The following DNAH17 variants were observed in gnomAD, a reference collection of about 807,000 sequenced individuals.
The protein encoded by DNAH17 is axonemal beta dynein heavy chain 17.
In DNAH17, 376 loss-of-function variants were observed where a neutral mutation model predicts 485.6. That is an observed-to-expected ratio of 0.77 (90% CI 0.71 to 0.84). DNAH17 has a LOEUF of 0.84. Among genes scored for constraint, DNAH17 ranks in the 40% least tolerant of loss-of-function variants. The pLI is 0.00. For missense variants in DNAH17, 6,370 were observed against 5,839.3 expected (o/e 1.09, Z -2.96); for synonymous variants, 3,031 against 2,405.9 (o/e 1.26, Z -7.60).
chr17:78,485,823 C>T, intron 46 of DNAH17, 66 bp from the exon 47 acceptor site: 2 of 1,585,172 alleles, frequency 1.3e-6, no homozygotes, highest in Non-Finnish European at 1.7e-6. Context: ...CGTGGGTGTG[C>T]AGGCCATGTT....
chr17:78,530,263 G>A lies in DNAH17; in HGVS notation c.3284+80C>T, dbSNP rs1361085151. On this transcript the variant is annotated intron_variant, in intron 21 of 80. Transcript: ENST00000389840. ...ACCCCAGAGGAGGCACCTGACAAAT[G>A]CCACCCACTCAAGTGGAAGGCCACT... 31 of 1,450,680 alleles carry A rather than the reference G, an allele frequency of 2.1e-5. No homozygotes were observed. In the Admixed American group the frequency reaches 2.4e-4, roughly 11 times the overall value. The allele number at this position is 1,450,680 out of a possible 1,614,324, so 89.9% of individuals were successfully genotyped here. A position where few individuals can be genotyped will look rare whatever the true frequency, so the allele number is the denominator to read the frequency against.
chr17:78,496,173 G>A, intron 37 of DNAH17, 141 bp from the exon 38 acceptor site: 1 of 988,786 alleles, frequency 1.0e-6, no homozygotes, highest in Non-Finnish European at 1.4e-6. Flanking sequence ...TTTAAATTAA[G>A]CCTTTTATTT....
At chr17:78,425,664 A>T in intron 79 of DNAH17, 93 bp from the exon 80 acceptor site, 1 of 1,158,318 alleles carries the variant, frequency 8.6e-7, no homozygotes, top group Non-Finnish European at 1.2e-6. Flanking sequence ...TCACGCCAGA[A>T]CCTTCCACGG....
intron 68 of DNAH17, 155 bp downstream of exon 68, chr17:78,450,099 C>T: frequency 1.1e-6 from 1 of 894,784 alleles, no homozygotes; most frequent in Non-Finnish European, 1.7e-6. Context: ...CCCCTGGCTC[C>T]CCCTCTTCCA....
At chr17:78,532,856 T>C in intron 19 of DNAH17, 120 bp from the exon 20 acceptor site, 1 of 1,185,076 alleles carries the variant, frequency 8.4e-7, no homozygotes, top group Non-Finnish European at 1.2e-6. Flanking sequence ...CAATCTCTCA[T>C]GATGACCTGC....
At chr17:78,491,704 G>T in intron 42 of DNAH17, 134 bp from the exon 43 acceptor site, 1 of 1,376,782 alleles carries the variant, frequency 7.3e-7, no homozygotes, top group South Asian at 1.5e-5. Context: ...AGGCCCTCGG[G>T]CATGAGGTGC....
intron 47 of DNAH17, 107 bp from the exon 48 acceptor site, chr17:78,485,140 G>A (rs1413654650): frequency 5.0e-6 from 7 of 1,396,998 alleles, no homozygotes; most frequent in Non-Finnish European, 6.6e-6. Context: ...GTGGGACCTG[G>A]CTGGGATCCA....
intron 14 of DNAH17, among the ~76,000 whole-genome samples, chr17:78,554,967 G>C (rs1025419115): frequency 1.3e-5 from 2 of 152,036 alleles, no homozygotes; most frequent in Non-Finnish European, 2.9e-5. Context: ...GGCTGGCCTC[G>C]AACTCCTGAC....
chr17:78,488,919 G>A (rs1168784282), intron 44 of DNAH17, among the ~76,000 whole-genome samples: 1 of 152,044 alleles, frequency 6.6e-6, no homozygotes, highest in Non-Finnish European at 1.5e-5. Context: ...AGAGGCCTGG[G>A]ACAGGTTCTC....
intron 14 of DNAH17, among the ~76,000 whole-genome samples, chr17:78,556,827 G>C (rs762267053): frequency 4.6e-5 from 7 of 152,162 alleles, no homozygotes; most frequent in Non-Finnish European, 1.0e-4. Flanking sequence ...CAATAAAATT[G>C]ACTCACGTTT....
rs1052760070 is a variant in DNAH17 at position 78,555,888 on chromosome 17, G to A, written c.2178+2220C>T. Among the ~76,000 whole-genome samples, 43 of 152,160 alleles carry A rather than the reference G, an allele frequency of 2.8e-4. 1 individual carries two copies. The highest frequency in any genetic ancestry group is 2.1e-3 in the Admixed American group (32 of 15,280). ...TGTTTCTGCCTCATGGCCTGAGCTGGGCCATCTCATCATCTTCAGCCTTTG... is the reference window on the plus strand; with the variant it reads ...TGTTTCTGCCTCATGGCCTGAGCTGAGCCATCTCATCATCTTCAGCCTTTG... On this transcript the variant is annotated intron_variant, in intron 14 of 80. Coordinates refer to ENST00000389840, the MANE Select transcript of DNAH17 (RefSeq NM_173628.4).
Position 78,450,828 on chromosome 17 carries a change from G to C in DNAH17, c.10753C>G (p.Gln3585Glu). 1 of 1,614,004 alleles carries C rather than the reference G, an allele frequency of 6.2e-7. No individual in the cohort carries two copies. The highest frequency in any genetic ancestry group is 1.1e-5 in the South Asian group (1 of 91,086). ...EQLKANLTKSQNEFKIVLKEL... is the reference protein window; with the variant it reads ...EQLKANLTKSENEFKIVLKEL... ...TTCAGAACAATCTTAAATTCGTTTT[G>C]AGACTTGGTGAGGTTTGCCTGCAAG... is the stretch of plus-strand genomic sequence containing the variant. Residue 3585 changes from glutamine to glutamate, a missense_variant, in exon 67 of 81, where the codon CAA becomes GAA. Physicochemically the swap from Gln to Glu is conservative, Grantham distance 29. Transcript: ENST00000389840.
chr17:78,573,597 C>CAA (rs112944174), intron 2 of DNAH17, among the ~76,000 whole-genome samples: 34,830 of 119,064 alleles, frequency 0.29, 5,160 homozygotes, highest in East Asian at 0.5. Flanking sequence ...AAAATACTGT[C>CAA]AAAAAAAAAA....
At position 78,443,104 on chromosome 17, in the gene DNAH17, C is replaced by T. The variant is rs191847168; in HGVS notation, c.11528+1500G>A. Among the ~76,000 whole-genome samples the T allele has an allele frequency of 2.7e-3, 407 of 152,298 alleles. 4 individuals are homozygous for T. Among genetic ancestry groups the T allele is most frequent in the Admixed American group, 0.023 (357 of 15,296 alleles). On this transcript the variant is annotated intron_variant, in intron 71 of 80. Coordinates refer to ENST00000389840, the MANE Select transcript of DNAH17 (RefSeq NM_173628.4). ...CCACCGCAGAGCACGCAAATGCTTC[C>T]GCAGTGGGTGGCTGTTTCCTTCTTT...
intron 48 of DNAH17, among the ~76,000 whole-genome samples, chr17:78,484,296 G>A (rs12942144): frequency 0.43 from 65,796 of 151,412 alleles, 15,342 homozygotes; most frequent in Admixed American, 0.56. Flanking sequence ...TTGCCACACC[G>A]GCCTTCCTGG....
In DNAH17 at chr17:78,463,038, C is replaced by T. The variant is rs753683524; in HGVS notation, c.8980G>A (p.Val2994Met). Residue 2994 changes from valine (V) to methionine (M), a missense_variant, in exon 57 of 81, where the codon GTG (valine) becomes ATG (methionine). Val to Met is a conservative substitution (Grantham distance 21). Coordinates refer to ENST00000389840, the MANE Select transcript of DNAH17 (RefSeq NM_173628.4). ...GACATCTCGTTGACGGTGGTGTGCA[C>T]GTAGGACATGAAGAAGCTGATGGAG... Reference protein sequence around the residue: ...KASISFFMSYVHTTVNEMSRV... With the variant: ...KASISFFMSYMHTTVNEMSRV... 1.7e-5 allele frequency: 28 copies of T among 1,613,716 alleles called. No individual in the cohort carries two copies. Among genetic ancestry groups the T allele is most frequent in the South Asian group, 3.3e-5 (3 of 91,080 alleles).
Position 78,574,861 on chromosome 17 carries a change from A to G in DNAH17, c.197T>C (p.Leu66Pro). ...GGACTTGAGGGACTGGGGGAAGCCC[A>G]GGCAGGGTATGATCATGCCGGCTGC... ...LNAAGMIIPC[L>P]GFPQSLKSKG... Residue 66 changes from leucine (L) to proline (P), a missense_variant, in exon 2 of 81, where the codon CTG becomes CCG. Leu to Pro is a moderately conservative substitution (Grantham distance 98). Transcript: ENST00000389840. 2 of 1,614,030 alleles carry G rather than the reference A, an allele frequency of 1.2e-6. No homozygotes were observed. Among genetic ancestry groups the G allele is most frequent in the Non-Finnish European group, 1.7e-6 (2 of 1,179,880 alleles).
At chr17:78,431,457 C>CCCCG (rs1003682284) in intron 75 of DNAH17, among the ~76,000 whole-genome samples, 3 of 148,200 alleles carry the variant, frequency 2.0e-5, no homozygotes, top group African/African-American at 7.9e-5. Flanking sequence ...AACCCCCCAC[C>CCCCG]CCGAGACTCC....
chr17:78,485,777 G>A lies in DNAH17; in HGVS notation c.7276-20C>T, dbSNP rs1241896558. 2.5e-6 allele frequency: 4 copies of A among 1,611,038 alleles called. No individual in the cohort carries two copies. Among genetic ancestry groups the A allele is most frequent in the Non-Finnish European group, 3.4e-6 (4 of 1,177,788 alleles). On this transcript the variant is annotated intron_variant, in intron 46 of 80. Coordinates refer to ENST00000389840, the MANE Select transcript of DNAH17 (RefSeq NM_173628.4). ...AGAGGCCTGGGGCAGGGGAGGGAAG[G>A]GGAGGGAGCTGTGATTCTCAGACAC...
Sources: allele counts gnomAD v4.1 joint callset (sites outside exome capture counted in the v4.1 genomes callset), GRCh38; gene constraint gnomAD v4.1.1; transcripts MANE v1.5; gene names NCBI Gene and HGNC (gene_info 2026-07-23, HGNC 2026-07-21).